The following SLIRP variants were observed in gnomAD, a reference collection of about 807,000 sequenced individuals.
SLIRP encodes the protein SRA stem-loop-interacting RNA-binding protein, mitochondrial.
In SLIRP, 12 loss-of-function variants were observed where a neutral mutation model predicts 13.4. The observed-to-expected ratio is 0.89, with a 90% CI of 0.57 to 1.45. The LOEUF (loss-of-function observed/expected upper bound fraction) is 1.45. SLIRP is among the 40% of genes most tolerant of loss of function. The probability of loss-of-function intolerance (pLI) is 0.00; values close to 1 mark genes in which losing one functional copy is unlikely to be tolerated. For missense variants in SLIRP, 154 were observed against 132.2 expected, an observed-to-expected ratio of 1.17 and a Z score of -0.81; for synonymous variants, 55 against 47.1, an observed-to-expected ratio of 1.17 and a Z score of -0.69.
chr14:77,712,258 TGTG>T (rs922434310), intron 2 of SLIRP, among the ~76,000 whole-genome samples: 4 of 146,658 alleles, frequency 2.7e-5, no homozygotes, highest in Non-Finnish European at 1.5e-5. Context: ...AGCTCCCTCA[TGTG>T]GTTGGCAAAA....
chr14:77,714,494 T>A (rs1433516417), intron 2 of SLIRP, among the ~76,000 whole-genome samples: 2 of 151,814 alleles, frequency 1.3e-5, no homozygotes, highest in African/African-American at 2.4e-5. Context: ...AGAGATGGAG[T>A]TTCACTATGT....
At chr14:77,710,361 C>T (rs891402750) in intron 1 of SLIRP, among the ~76,000 whole-genome samples, 3 of 152,178 alleles carry the variant, frequency 2.0e-5, no homozygotes, top group South Asian at 4.2e-4. Flanking sequence ...AAAGATAATT[C>T]AATTAGTTGT....
At chr14:77,713,835 TAAATA>T (rs201641838) in intron 2 of SLIRP, among the ~76,000 whole-genome samples, 2,147 of 152,292 alleles carry the variant, frequency 0.014, 53 homozygotes, top group African/African-American at 0.049. Flanking sequence ...CAAGAGCATT[TAAATA>T]AAAAGTTCCT....
At chr14:77,715,649 TAAAATA>T in intron 2 of SLIRP, 117 bp from the exon 3 acceptor site, 1 of 794,584 alleles carries the variant, frequency 1.3e-6, no homozygotes, top group Non-Finnish European at 2.0e-6. Context: ...TGCCTAAAAA[TAAAATA>T]AAATTAAATT....
At chr14:77,709,802 A>G (rs1295371976) in intron 1 of SLIRP, among the ~76,000 whole-genome samples, 2 of 152,172 alleles carry the variant, frequency 1.3e-5, no homozygotes, top group African/African-American at 4.8e-5. Flanking sequence ...ATTCTGTGAG[A>G]CCTTGATCTT....
At chr14:77,712,714 G>A (rs993653841) in intron 2 of SLIRP, among the ~76,000 whole-genome samples, 1 of 152,138 alleles carries the variant, frequency 6.6e-6, no homozygotes, top group Non-Finnish European at 1.5e-5. Context: ...CCAAAATGCT[G>A]GGATTACAGG....
rs971212460 is a variant in SLIRP, at chr14:77,710,716, C to T, written c.98-122C>T. ...CCATAGCTGCTTCCTAAATCTTAAGCCTTTAAGGAAATGCAAAGTAGTTCC... is the reference window on the plus strand; with the variant it reads ...CCATAGCTGCTTCCTAAATCTTAAGTCTTTAAGGAAATGCAAAGTAGTTCC... On this transcript the variant is annotated intron_variant, in intron 1 of 3. Transcript: ENST00000557342. The T allele has an allele frequency of 7.0e-6, 11 of 1,574,472 alleles. No individual in the cohort carries two copies. In the Admixed American group the frequency reaches 8.5e-5, roughly 12 times the overall value.
chr14:77,710,783 A>T, intron 1 of SLIRP, 55 bp from the exon 2 acceptor site: 1 of 1,608,626 alleles, frequency 6.2e-7, no homozygotes, highest in East Asian at 2.2e-5. Flanking sequence ...CTACAGTCTA[A>T]GATAGAGAAT....
intron 2 of SLIRP, among the ~76,000 whole-genome samples, chr14:77,713,057 G>T (rs1170052426): frequency 1.3e-5 from 2 of 152,138 alleles, no homozygotes; most frequent in African/African-American, 4.8e-5. Flanking sequence ...GGTGTAACAT[G>T]GGGAATGCAT....
intron 2 of SLIRP, among the ~76,000 whole-genome samples, chr14:77,712,605 C>T (rs552822230): frequency 9.9e-5 from 15 of 152,188 alleles, no homozygotes; most frequent in African/African-American, 2.9e-4. Context: ...CCACTACGCC[C>T]GGCTAATTTT....
At position 77,708,119 on chromosome 14, in the gene SLIRP, C is replaced by T. The variant is rs552083394; in HGVS notation, c.8C>T (p.Ala3Val). The stretch of plus-strand genomic sequence containing the variant: ...AGGTGCTTTAGTCTGAAGATGGCGG[C>T]CTCAGCAGCGAGAGGTGCTGCGGCG... Reference protein sequence around the residue: MAASAARGAAALR... With the variant: MAVSAARGAAALR... Residue 3 changes from alanine (A) to valine (V), a missense_variant, in exon 1 of 4, where the codon GCC (alanine) becomes GTC (valine). Transcript: ENST00000557342. The T allele has an allele frequency of 3.7e-6, 6 of 1,613,946 alleles. No individual in the cohort carries two copies. Among genetic ancestry groups the T allele is most frequent in the South Asian group, 2.2e-5 (2 of 91,068 alleles).
chr14:77,712,618 G>T (rs1393158830), intron 2 of SLIRP, among the ~76,000 whole-genome samples: 1 of 151,990 alleles, frequency 6.6e-6, no homozygotes, highest in African/African-American at 2.4e-5. Context: ...CTAATTTTTT[G>T]TATTTTTAGT....
chr14:77,715,916 A>AT, intron 3 of SLIRP, 37 bp downstream of exon 3: 4 of 1,328,118 alleles, frequency 3.0e-6, no homozygotes, highest in South Asian at 1.2e-5. Context: ...TACATGATAT[A>AT]CATGTAGGTA....
At position 77,717,554 on chromosome 14, in the gene SLIRP, A is replaced by AT. The variant is rs756879419; in HGVS notation, c.328dup (p.Ter110LeufsTer?). 6.2e-7 allele frequency: 1 copy of AT among 1,613,712 alleles called. No homozygotes were observed. Among genetic ancestry groups the AT allele is most frequent in the East Asian group, 2.2e-5 (1 of 44,864 alleles). On this transcript the variant is annotated frameshift_variant, in exon 4 of 4. Coordinates refer to ENST00000557342, the MANE Select transcript of SLIRP (RefSeq NM_031210.6). LOFTEE classifies it high-confidence loss of function. ...CAAACATCTGATGATGAAAAGAAAG[A>AT]TTTTTGAGACTGCAGCCTATTAATA...
chr14:77,708,163 C>CA lies in SLIRP; in HGVS notation c.53dup (p.Pro19AlafsTer35). 1 of 1,614,194 alleles carries CA rather than the reference C, an allele frequency of 6.2e-7. No individual in the cohort carries two copies. On this transcript the variant is annotated frameshift_variant, in exon 1 of 4. Transcript: ENST00000557342. LOFTEE classifies it high-confidence loss of function. ...TGCGGCGCTGCGTAGAAGTATCAAT[C>CA]AGCCGGTTGCTTTTGTGAGAAGAAT...
rs879001186 is a variant in SLIRP, at chr14:77,708,211, G to A, written c.97+3G>A. ...AATTCCTTGGACTGCGGCGTCGAGT[G>A]AGTGATGGAGATGTGGGAGTAGTGG... On this transcript the variant is annotated splice_donor_region_variant and intron_variant, in intron 1 of 3. Transcript: ENST00000557342. The A allele has an allele frequency of 6.2e-7, 1 of 1,613,972 alleles. No individual in the cohort carries two copies. Among genetic ancestry groups the A allele is most frequent in the Non-Finnish European group, 8.5e-7 (1 of 1,179,846 alleles).
intron 2 of SLIRP, among the ~76,000 whole-genome samples, chr14:77,711,582 G>A (rs1403560200): frequency 4.0e-5 from 6 of 151,804 alleles, no homozygotes; most frequent in African/African-American, 1.2e-4. Context: ...AAGAGACAGG[G>A]TCTTGTTCTG....
chr14:77,716,540 A>G (rs944240895), intron 3 of SLIRP, among the ~76,000 whole-genome samples: 11 of 138,526 alleles, frequency 7.9e-5, no homozygotes, highest in African/African-American at 2.5e-4. Context: ...AGTCCCAGCT[A>G]CTCAGGAGAC....
chr14:77,717,427 A>T (rs1358409729), intron 3 of SLIRP, 69 bp from the exon 4 acceptor site: 7 of 1,330,908 alleles, frequency 5.3e-6, no homozygotes, highest in Middle Eastern at 1.8e-4. Flanking sequence ...CTCCCTAATA[A>T]AGTGATTTTC....
Sources: allele counts gnomAD v4.1 joint callset (sites outside exome capture counted in the v4.1 genomes callset), GRCh38; gene constraint gnomAD v4.1.1; transcripts MANE v1.5; gene names NCBI Gene and HGNC (gene_info 2026-07-23, HGNC 2026-07-21).